The following UBA3 variants were observed in gnomAD, a reference collection of about 807,000 sequenced individuals.
The protein encoded by UBA3 is NEDD8-activating enzyme E1 catalytic subunit.
UBA3 carries 26 observed loss-of-function variants against 73.5 expected under a neutral mutation model. That is an observed-to-expected ratio of 0.35 (90% CI 0.26 to 0.49). The LOEUF is 0.49. Ranked by LOEUF, UBA3 falls within the 20% of genes least tolerant of loss-of-function variation. The pLI is 0.98. For synonymous variants in UBA3, 217 were observed against 191.2 expected (o/e 1.13, Z -1.11); for missense variants, 495 against 555.6 (o/e 0.89, Z 1.10).
chr3:69,056,494 T>A, intron 14 of UBA3, 118 bp downstream of exon 14: 1 of 924,254 alleles, frequency 1.1e-6, no homozygotes, highest in East Asian at 2.6e-5. Flanking sequence ...AAAAGATATA[T>A]AATAAGTAGA....
intron 17 of UBA3, 63 bp downstream of exon 17, chr3:69,055,788 T>C: frequency 3.3e-6 from 5 of 1,493,386 alleles, no homozygotes; most frequent in Non-Finnish European, 4.6e-6. Context: ...CAAGCACTGA[T>C]TACTTTCACC....
chr3:69,079,103 T>C (rs927706343), intron 2 of UBA3, among the ~76,000 whole-genome samples: 3 of 152,312 alleles, frequency 2.0e-5, no homozygotes, highest in East Asian at 1.9e-4. Context: ...CAGAGTTGTG[T>C]TGGGTTCCAC....
rs142785164 is a variant in UBA3 at position 69,075,488 on chromosome 3, G to C, written c.206C>G (p.Thr69Arg). 1 of 1,560,508 alleles carries C rather than the reference G, an allele frequency of 6.4e-7. No homozygotes were observed. The highest frequency in any genetic ancestry group is 2.0e-5 in the Admixed American group (1 of 50,976). Reference sequence around the variant, plus strand: ...AGCTCCAATGACTAGAACTTTACATGTATCTAACAAGAACTGGAGAGACTG... The same window carrying C: ...AGCTCCAATGACTAGAACTTTACATCTATCTAACAAGAACTGGAGAGACTG... ...STESLQFLLDTCKVLVIGAGG... is the reference protein window; with the variant it reads ...STESLQFLLDRCKVLVIGAGG... Residue 69 changes from threonine (T) to arginine (R), a missense_variant, in exon 4 of 18, where the codon ACA becomes AGA. By Grantham distance (71) the Thr-to-Arg change is moderately conservative (BLOSUM62 -1). Transcript: ENST00000361055.
Position 69,061,835 on chromosome 3 carries a change from C to A in UBA3, c.889G>T (p.Val297Phe). The A allele has an allele frequency of 1.2e-6, 2 of 1,605,702 alleles. No individual in the cohort carries two copies. Among genetic ancestry groups the A allele is most frequent in the Non-Finnish European group, 1.7e-6 (2 of 1,176,396 alleles). ...ERASQYNIRG[V>F]TYRLTQGVVK... The stretch of plus-strand genomic sequence containing the variant: ...TTACCTTGAGTGAGCCTATACGTAA[C>A]ACCCCTAATATTATATTGTGATGCT... The change falls in exon 11 of 18, where the codon GTT becomes TTT. Residue 297 changes from valine to phenylalanine, a missense_variant. Transcript: ENST00000361055.
intron 4 of UBA3, among the ~76,000 whole-genome samples, chr3:69,073,510 T>C (rs1318461884): frequency 6.6e-6 from 1 of 152,230 alleles, no homozygotes. Flanking sequence ...TCAACTAAAA[T>C]GTGAGTCCCA....
At chr3:69,057,755 C>T (rs146419725) in intron 11 of UBA3, among the ~76,000 whole-genome samples, 1 of 152,012 alleles carries the variant, frequency 6.6e-6, no homozygotes, top group Non-Finnish European at 1.5e-5. Context: ...CAGATATTAA[C>T]TGATACACCA....
chr3:69,066,333 C>T (rs921467717), intron 6 of UBA3, among the ~76,000 whole-genome samples: 18 of 152,138 alleles, frequency 1.2e-4, no homozygotes, highest in African/African-American at 4.1e-4. Context: ...AAGCTCACTG[C>T]TTCCTCAGTG....
chr3:69,067,664 G>A (rs1372388401), intron 6 of UBA3, among the ~76,000 whole-genome samples: 2 of 151,940 alleles, frequency 1.3e-5, no homozygotes, highest in Non-Finnish European at 2.9e-5. Flanking sequence ...GAAATTAAGG[G>A]CAATAATGCA....
At chr3:69,068,040 A>G in intron 5 of UBA3, 32 bp from the exon 6 acceptor site, 1 of 1,356,044 alleles carries the variant, frequency 7.4e-7, no homozygotes, top group East Asian at 2.5e-5. Flanking sequence ...TATAATTCAT[A>G]TTATAAATCT....
chr3:69,079,914 C>T (rs1451852469), intron 2 of UBA3, 198 bp downstream of exon 2: 6 of 548,582 alleles, frequency 1.1e-5, no homozygotes, highest in African/African-American at 8.2e-5. Flanking sequence ...GCCCCGACGC[C>T]CGCACCGGGC....
chr3:69,056,309 A>G, intron 14 of UBA3, 26 bp from the exon 15 acceptor site: 1 of 1,482,802 alleles, frequency 6.7e-7, no homozygotes, highest in Non-Finnish European at 9.2e-7. Flanking sequence ...ACAACAAATT[A>G]CAGCAGCACA....
intron 12 of UBA3, 97 bp downstream of exon 12, chr3:69,057,159 C>A: frequency 7.9e-7 from 1 of 1,264,056 alleles, no homozygotes; most frequent in Non-Finnish European, 1.1e-6. Context: ...ACAACCCATC[C>A]AAGAAGATAT....
chr3:69,074,121 A>T (rs961887240), intron 4 of UBA3, among the ~76,000 whole-genome samples: 6 of 152,198 alleles, frequency 3.9e-5, no homozygotes. Context: ...CTTCAGATCT[A>T]ATCTTCAATT....
chr3:69,069,144 G>A (rs1336005419), intron 5 of UBA3, among the ~76,000 whole-genome samples: 6 of 151,770 alleles, frequency 4.0e-5, no homozygotes, highest in East Asian at 3.9e-4. Context: ...CTACATACAC[G>A]TCTATCATAC....
chr3:69,080,237 G>T, intron 1 of UBA3, 84 bp from the exon 2 acceptor site: 1 of 1,524,954 alleles, frequency 6.6e-7, no homozygotes, highest in Non-Finnish European at 8.9e-7. Context: ...ACGGGGCGGG[G>T]GGTGTGGGGA....
At chr3:69,079,208 A>G (rs1332978602) in intron 2 of UBA3, among the ~76,000 whole-genome samples, 1 of 152,246 alleles carries the variant, frequency 6.6e-6, no homozygotes, top group African/African-American at 2.4e-5. Flanking sequence ...ATGAGGATAT[A>G]GATAATCACA....
chr3:69,064,464 C>G (rs2092050466), intron 6 of UBA3, among the ~76,000 whole-genome samples: 1 of 152,176 alleles, frequency 6.6e-6, no homozygotes, highest in African/African-American at 2.4e-5. Context: ...AGAAGAGATG[C>G]AATAAATGTT....
intron 1 of UBA3, 53 bp from the exon 2 acceptor site, chr3:69,080,206 C>T: frequency 9.9e-7 from 1 of 1,005,604 alleles, no homozygotes; most frequent in Non-Finnish European, 1.5e-6. Flanking sequence ...CTGGGCGCCG[C>T]GAGGGGAGGG....
intron 4 of UBA3, among the ~76,000 whole-genome samples, chr3:69,074,696 A>G (rs948345141): frequency 3.9e-5 from 6 of 152,160 alleles, no homozygotes; most frequent in African/African-American, 1.2e-4. Flanking sequence ...GCCTCTACTC[A>G]TTTGTTACAT....
Sources: allele counts gnomAD v4.1 joint callset (sites outside exome capture counted in the v4.1 genomes callset), GRCh38; gene constraint gnomAD v4.1.1; transcripts MANE v1.5; gene names NCBI Gene and HGNC (gene_info 2026-07-23, HGNC 2026-07-21).